CCBE1: variants seen among roughly 807,000 people sequenced by gnomAD.
The protein encoded by CCBE1 is collagen and calcium binding EGF domains 1, also known as collagen and calcium-binding EGF domain-containing protein 1.
CCBE1 carries 37 observed loss-of-function variants against 50.0 expected under a neutral mutation model. The ratio of observed to expected loss-of-function variants is 0.74; its 90% CI spans 0.57 to 0.97. The LOEUF (loss-of-function observed/expected upper bound fraction) is 0.97. Among genes scored for constraint, CCBE1 ranks in the 50% least tolerant of loss-of-function variants. The pLI is 0.00. For synonymous variants in CCBE1, 234 were observed against 203.7 expected, an observed-to-expected ratio of 1.15 and a Z score of -1.27; for missense variants, 538 against 523.8, an observed-to-expected ratio of 1.03 and a Z score of -0.26.
intron 2 of CCBE1, among the ~76,000 whole-genome samples, chr18:59,545,100 TGAAGAGAGCCTA>T: frequency 6.6e-6 from 1 of 152,300 alleles, no homozygotes; most frequent in East Asian, 1.9e-4. Context: ...GAAAATAAGC[TGAAGAGAGCCTA>T]GAGGGCATAA....
chr18:59,683,823 T>C lies in CCBE1; in HGVS notation c.212+12806A>G, dbSNP rs577908183. On this transcript the variant is annotated intron_variant, in intron 2 of 10. Transcript: ENST00000439986. The stretch of plus-strand genomic sequence containing the variant: ...AGCCAGATGGCCAAGGGCTGCAAGC[T>C]GGGGTGTCCCTGCTGGAGCATCCCA... 2.0e-5 allele frequency among the ~76,000 whole-genome samples: 3 copies of C among 152,128 alleles called. No homozygotes were observed. The East Asian group carries it at 5.8e-4, about 29-fold the overall frequency.
chr18:59,537,486 C>A (rs997916453), intron 2 of CCBE1, among the ~76,000 whole-genome samples: 3 of 152,174 alleles, frequency 2.0e-5, no homozygotes, highest in Non-Finnish European at 4.4e-5. Flanking sequence ...AAGAGGAAAA[C>A]CCTTTCGCTT....
chr18:59,641,641 T>A (rs566903382), intron 2 of CCBE1, among the ~76,000 whole-genome samples: 1 of 152,136 alleles, frequency 6.6e-6, no homozygotes, highest in South Asian at 2.1e-4. Flanking sequence ...ACCAAAATAT[T>A]CCTGAAAAAC....
rs576000423 is a variant in CCBE1, at chr18:59,432,668, G to A, written c.*3240C>T. On this transcript the variant is annotated 3_prime_UTR_variant, in exon 11 of 11. Transcript: ENST00000439986. ...TTATTTTCTAAATTAACTTGGTCCA[G>A]CAGATTGACATTATAAAATACAGGT... 18 of 152,326 alleles carry A rather than the reference G, an allele frequency of 1.2e-4. No homozygotes were observed. Among genetic ancestry groups the A allele is most frequent in the South Asian group, 8.3e-4 (4 of 4,826 alleles). The allele number at this position is 152,326 out of a possible 1,614,324, so 9.4% of individuals were successfully genotyped here.
chr18:59,474,592 G>A (rs191763616), intron 3 of CCBE1, among the ~76,000 whole-genome samples: 3 of 152,184 alleles, frequency 2.0e-5, no homozygotes, highest in Admixed American at 2.0e-4. Flanking sequence ...TCAGTACTGG[G>A]CATTCATTTT....
At position 59,692,564 on chromosome 18, in the gene CCBE1, G is replaced by T. The variant is rs191090652; in HGVS notation, c.212+4065C>A. ...TTCCTCAAATGTGTCCTTACCTAGA[G>T]CCCAATGCTATCAATCTGGTAGTAC... On this transcript the variant is annotated intron_variant, in intron 2 of 10. Coordinates refer to ENST00000439986, the MANE Select transcript of CCBE1 (RefSeq NM_133459.4). 2.0e-5 allele frequency among the ~76,000 whole-genome samples: 3 copies of T among 152,278 alleles called. No individual in the cohort carries two copies. In the East Asian group the frequency reaches 5.8e-4, roughly 29 times the overall value.
rs753350074 is a variant in CCBE1 at position 59,696,656 on chromosome 18, G to A, written c.185C>T (p.Ser62Phe). The A allele has an allele frequency of 1.1e-5, 18 of 1,613,970 alleles. No homozygotes were observed. The highest frequency in any genetic ancestry group is 1.4e-5 in the Non-Finnish European group (17 of 1,179,984). The part of the protein sequence containing the change: ...IATTKYPCLK[S>F]SGELTTCYRK... ...GTAGCATGTGGTGAGCTCGCCTGAA[G>A]ACTTCAGACACGGGTATTTAGTCGT... Residue 62 changes from serine to phenylalanine, a missense_variant, in exon 2 of 11, where the codon TCT (serine) becomes TTT (phenylalanine). Physicochemically the swap from Ser to Phe is radical, Grantham distance 155. Coordinates refer to ENST00000439986, the MANE Select transcript of CCBE1 (RefSeq NM_133459.4).
At chr18:59,546,139 A>G (rs1915673281) in intron 2 of CCBE1, among the ~76,000 whole-genome samples, 1 of 152,246 alleles carries the variant, frequency 6.6e-6, no homozygotes. Context: ...TAAGCTTAAC[A>G]CTAGATATGA....
At chr18:59,497,072 G>A (rs1453827101) in intron 2 of CCBE1, among the ~76,000 whole-genome samples, 1 of 152,182 alleles carries the variant, frequency 6.6e-6, no homozygotes, top group East Asian at 1.9e-4. Context: ...GATACGTAAA[G>A]TACCTAGTAT....
At position 59,439,754 on chromosome 18, in the gene CCBE1, C is replaced by T. The variant is rs752519349; in HGVS notation, c.838G>A (p.Gly280Ser). The stretch of plus-strand genomic sequence containing the variant: ...ATGGGTCCCATTGAGCCCCGTGGGC[C>T]GGGCTGCCCAGGAGGGCCTGGCATA... ...PGMPGPPGQP[G>S]PRGSMGPMGP... Residue 280 changes from glycine to serine, a missense_variant, in exon 8 of 11, where the codon GGC (glycine) becomes AGC (serine). Transcript: ENST00000439986. 21 of 1,614,062 alleles carry T rather than the reference C, an allele frequency of 1.3e-5. No homozygotes were observed. The highest frequency in any genetic ancestry group is 2.2e-5 in the East Asian group (1 of 44,876).
At chr18:59,570,860 C>T (rs2052902217) in intron 2 of CCBE1, among the ~76,000 whole-genome samples, 1 of 152,186 alleles carries the variant, frequency 6.6e-6, no homozygotes, top group Non-Finnish European at 1.5e-5. Context: ...TGCCCACCAA[C>T]CAGGATGAAA....
chr18:59,625,157 C>A (rs537549805), intron 2 of CCBE1, among the ~76,000 whole-genome samples: 30 of 152,260 alleles, frequency 2.0e-4, no homozygotes, highest in African/African-American at 7.0e-4. Flanking sequence ...ATAGGCCGGG[C>A]GTGGTGGCTC....
intron 3 of CCBE1, 43 bp downstream of exon 3, chr18:59,480,143 A>T: frequency 8.5e-7 from 1 of 1,172,504 alleles, no homozygotes; most frequent in Non-Finnish European, 1.3e-6. Context: ...TTGAATGATT[A>T]GTTGTGAATA....
At chr18:59,547,885 T>A (rs550000530) in intron 2 of CCBE1, among the ~76,000 whole-genome samples, 1 of 152,328 alleles carries the variant, frequency 6.6e-6, no homozygotes, top group South Asian at 2.1e-4. Context: ...ATCATCCTGT[T>A]CTCACAGGAA....
chr18:59,598,704 T>C (rs1177239462), intron 2 of CCBE1, among the ~76,000 whole-genome samples: 1 of 152,212 alleles, frequency 6.6e-6, no homozygotes, highest in African/African-American at 2.4e-5. Context: ...GATCCAGACC[T>C]GGCCAGTCAG....
chr18:59,490,982 C>T (rs1050623679), intron 2 of CCBE1, among the ~76,000 whole-genome samples: 1 of 152,124 alleles, frequency 6.6e-6, no homozygotes, highest in Non-Finnish European at 1.5e-5. Flanking sequence ...CCGGAGACAG[C>T]GCATGAAAGA....
At chr18:59,653,790 A>G (rs549938199) in intron 2 of CCBE1, among the ~76,000 whole-genome samples, 3 of 152,378 alleles carry the variant, frequency 2.0e-5, no homozygotes, top group Admixed American at 1.3e-4. Context: ...AAAACCAAAA[A>G]TAAGTTTTAG....
At position 59,675,014 on chromosome 18, in the gene CCBE1, C is replaced by G. The variant is rs564170489; in HGVS notation, c.212+21615G>C. ...CCACCAAGACTATCACTGGCACTCT[C>G]CTGTAAACATCCTTATCTTTATCGA... On this transcript the variant is annotated intron_variant, in intron 2 of 10. Transcript: ENST00000439986. Among the ~76,000 whole-genome samples, 25 of 152,294 alleles carry G rather than the reference C, an allele frequency of 1.6e-4. 1 individual carries two copies. In the South Asian group the frequency reaches 1.7e-3, roughly 10 times the overall value.
chr18:59,454,713 G>A, intron 6 of CCBE1, 138 bp downstream of exon 6: 2 of 784,116 alleles, frequency 2.6e-6, no homozygotes, highest in Non-Finnish European at 4.4e-6. Context: ...AACATCCCAA[G>A]TCCATGCAAA....
Sources: allele counts gnomAD v4.1 joint callset (sites outside exome capture counted in the v4.1 genomes callset), GRCh38; gene constraint gnomAD v4.1.1; transcripts MANE v1.5; gene names NCBI Gene and HGNC (gene_info 2026-07-23, HGNC 2026-07-21).